PTGFRN: variants seen among roughly 807,000 people sequenced by gnomAD.
The protein encoded by PTGFRN is prostaglandin F2 receptor inhibitor, also known as prostaglandin F2 receptor negative regulator.
A neutral mutation model predicts 83.2 loss-of-function variants in PTGFRN; 35 were observed. The observed-to-expected ratio is 0.42, with a 90% CI of 0.32 to 0.56. The LOEUF (loss-of-function observed/expected upper bound fraction) is 0.56. PTGFRN is among the 20% of genes least tolerant of loss of function. PTGFRN has a pLI of 0.11. For synonymous variants in PTGFRN, 519 were observed against 498.6 expected, an observed-to-expected ratio of 1.04 and a Z score of -0.55; for missense variants, 1,051 against 1,179.5, an observed-to-expected ratio of 0.89 and a Z score of 1.60.
rs1012043387 is a variant in PTGFRN at position 116,941,505 on chromosome 1, G to C, written c.50-210G>C. Among the ~76,000 whole-genome samples, 4 of 152,202 alleles carry C rather than the reference G, an allele frequency of 2.6e-5. No individual in the cohort carries two copies. The highest frequency in any genetic ancestry group is 4.8e-5 in the African/African-American group (2 of 41,442). ...CCTCCCTGTTGGTCCTGGGAAACTG[G>C]TTGTGTGAGAGATGCTCATTTTGAG... On this transcript the variant is annotated intron_variant, in intron 1 of 8. Transcript: ENST00000393203. The surrounding 1 kb of genome is among the most constrained non-coding windows in gnomAD (Gnocchi z 5.0).
intron 8 of PTGFRN, among the ~76,000 whole-genome samples, chr1:116,986,180 A>G (rs1651476182): frequency 9.5e-6 from 1 of 105,138 alleles, no homozygotes; most frequent in African/African-American, 3.4e-5. Flanking sequence ...GCGTCCACCC[A>G]AGGAGCATGG....
intron 7 of PTGFRN, among the ~76,000 whole-genome samples, chr1:116,980,211 A>G (rs1449304197): frequency 6.6e-6 from 1 of 152,104 alleles, no homozygotes; most frequent in Non-Finnish European, 1.5e-5. Context: ...AAGTCAGGGA[A>G]CAACAGGTGC....
Position 116,941,935 on chromosome 1 carries a change from C to G in PTGFRN, c.270C>G (p.Gly90=). ...AQLYQERLQR[G]EILLRRTAND... ...TGTACCAGGAGCGGCTGCAGAGGGG[C>G]GAGATCCTGTTAAGGCGGACTGCCA... The change falls in exon 2 of 9, where the codon GGC becomes GGG. Residue 90 remains glycine, a synonymous_variant. Transcript: ENST00000393203. The surrounding 1 kb of genome is among the most constrained non-coding windows in gnomAD (Gnocchi z 5.0). The G allele has an allele frequency of 6.2e-7, 1 of 1,614,160 alleles. No individual in the cohort carries two copies.
intron 5 of PTGFRN, among the ~76,000 whole-genome samples, chr1:116,964,741 A>G (rs1650776587): frequency 6.6e-6 from 1 of 152,134 alleles, no homozygotes. Context: ...TTCCCATCAC[A>G]TCTGCCAGCT....
At chr1:116,969,280 G>T (rs943628301) in intron 6 of PTGFRN, among the ~76,000 whole-genome samples, 1 of 151,942 alleles carries the variant, frequency 6.6e-6, no homozygotes, top group Non-Finnish European at 1.5e-5. Flanking sequence ...TTTTGTATGT[G>T]GTTAAGAAGA....
At chr1:116,911,961 A>G (rs1360194783) in intron 1 of PTGFRN, among the ~76,000 whole-genome samples, 1 of 152,206 alleles carries the variant, frequency 6.6e-6, no homozygotes, top group Non-Finnish European at 1.5e-5. Flanking sequence ...GCACTGTACA[A>G]CTTCGGGAGC....
chr1:116,984,675 C>T lies in PTGFRN; in HGVS notation c.2168-5C>T, dbSNP rs570954182. ...ACCCCAGGGTTTTGGCTTGGTAATC[C>T]GTAGATGACATGGCCTTTGATGTGT... On this transcript the variant is annotated splice_polypyrimidine_tract_variant and splice_region_variant and intron_variant, in intron 7 of 8. Transcript: ENST00000393203. 1.7e-5 allele frequency: 27 copies of T among 1,611,692 alleles called. No homozygotes were observed. The highest frequency in any genetic ancestry group is 2.2e-5 in the East Asian group (1 of 44,840).
At position 116,987,039 on chromosome 1, in the gene PTGFRN, TAAAAC is replaced by T. The variant is rs1377809834; in HGVS notation, c.*76_*80del. On this transcript the variant is annotated 3_prime_UTR_variant, in exon 9 of 9. Coordinates refer to ENST00000393203, the MANE Select transcript of PTGFRN (RefSeq NM_020440.4). ...GGGCAAGAAGAGGACAGTGATATTT[TAAAAC>T]AAAGTGTGTTACACTAAAAACCAGT... 1 of 1,565,594 alleles carries T rather than the reference TAAAAC, an allele frequency of 6.4e-7. No individual in the cohort carries two copies. Among genetic ancestry groups the T allele is most frequent in the African/African-American group, 1.4e-5 (1 of 73,818 alleles).
At chr1:116,912,960 A>G (rs1649309210) in intron 1 of PTGFRN, among the ~76,000 whole-genome samples, 1 of 152,226 alleles carries the variant, frequency 6.6e-6, no homozygotes, top group Non-Finnish European at 1.5e-5. Flanking sequence ...ACCCAGCCAC[A>G]TAGAGCAGGT....
rs138851818 is a variant in PTGFRN at position 116,984,921 on chromosome 1, A to G, written c.2409A>G (p.Thr803=). Residue 803 remains threonine (T), a synonymous_variant, in exon 8 of 9, where the codon ACA becomes ACG. Transcript: ENST00000393203. ...CSVTPWVKSP[T]GSWQKEAEIH... ...TGACTCCATGGGTGAAGTCACCAAC[A>G]GGTTCCTGGCAGAAGGAGGCAGAGA... 7.4e-6 allele frequency: 12 copies of G among 1,614,050 alleles called. No individual in the cohort carries two copies. Among genetic ancestry groups the G allele is most frequent in the Non-Finnish European group, 1.0e-5 (12 of 1,180,024 alleles).
At chr1:116,980,180 G>A (rs563438482) in intron 7 of PTGFRN, among the ~76,000 whole-genome samples, 2 of 151,910 alleles carry the variant, frequency 1.3e-5, no homozygotes, top group South Asian at 4.1e-4. Flanking sequence ...TCTCACACCA[G>A]TTAGAATGGC....
chr1:116,971,119 T>G (rs1014467061), intron 6 of PTGFRN, among the ~76,000 whole-genome samples: 10 of 152,176 alleles, frequency 6.6e-5, no homozygotes, highest in Non-Finnish European at 1.5e-5. Context: ...CCTAGAATGT[T>G]TTTCTTGTAT....
At chr1:116,981,156 T>G (rs1651307929) in intron 7 of PTGFRN, among the ~76,000 whole-genome samples, 1 of 152,210 alleles carries the variant, frequency 6.6e-6, no homozygotes, top group African/African-American at 2.4e-5. Context: ...TGTCCCTCTC[T>G]CACTCTTTGA....
intron 1 of PTGFRN, among the ~76,000 whole-genome samples, chr1:116,927,526 T>G (rs963480340): frequency 3.9e-5 from 4 of 102,758 alleles, no homozygotes; most frequent in African/African-American, 1.3e-4. Context: ...CTTGCTTACC[T>G]TTTTTTTTTT....
rs768459857 is a variant in PTGFRN at position 116,942,060 on chromosome 1, A to G, written c.395A>G (p.Tyr132Cys). 3.7e-6 allele frequency: 6 copies of G among 1,613,928 alleles called. No individual in the cohort carries two copies. Among genetic ancestry groups the G allele is most frequent in the Non-Finnish European group, 5.1e-6 (6 of 1,179,840 alleles). Residue 132 changes from tyrosine to cysteine, a missense_variant, in exon 2 of 9, where the codon TAT becomes TGT. Tyr to Cys is a radical substitution (Grantham distance 194). Around this residue, in one of 3 missense-constraint regions of PTGFRN, gnomAD observed 205 missense variants for 174.5 expected, o/e 1.17. Transcript: ENST00000393203. ...ACAGATGCCACTGTCCAGGGAAACT[A>G]TGAGGACACAGTGCAGGTTAAAGGT... ...PSTDATVQGNYEDTVQVKVLA... is the reference protein window; with the variant it reads ...PSTDATVQGNCEDTVQVKVLA...
chr1:116,976,219 T>C (rs1651151908), intron 7 of PTGFRN, among the ~76,000 whole-genome samples: 1 of 152,182 alleles, frequency 6.6e-6, no homozygotes, highest in African/African-American at 2.4e-5. Context: ...AATATGGGAC[T>C]ATGTGAAAAG....
intron 1 of PTGFRN, among the ~76,000 whole-genome samples, chr1:116,910,600 C>G (rs866757511): frequency 5.7e-4 from 87 of 152,090 alleles, no homozygotes; most frequent in Middle Eastern, 6.8e-3. Context: ...AACTCCCGGC[C>G]CGGAAGGTGC....
chr1:116,960,229 G>A (rs1487560073), intron 4 of PTGFRN, among the ~76,000 whole-genome samples: 4 of 152,196 alleles, frequency 2.6e-5, no homozygotes, highest in African/African-American at 7.2e-5. Context: ...AGTTTGTAGT[G>A]CATCTCACAT....
At chr1:116,978,796 C>T (rs896902345) in intron 7 of PTGFRN, among the ~76,000 whole-genome samples, 4 of 152,076 alleles carry the variant, frequency 2.6e-5, no homozygotes, top group African/African-American at 9.7e-5. Flanking sequence ...GGAAGCATTC[C>T]CTTTGAAAAC....
Sources: allele counts gnomAD v4.1 joint callset (sites outside exome capture counted in the v4.1 genomes callset), GRCh38; gene constraint gnomAD v4.1.1; regional missense constraint gnomAD v4.1.1; non-coding constraint Gnocchi (gnomAD v3.1); transcripts MANE v1.5; gene names NCBI Gene and HGNC (gene_info 2026-07-23, HGNC 2026-07-21).